Variants in NKAIN2 observed in about 807,000 individuals in gnomAD.
NKAIN2 encodes sodium/potassium transporting ATPase interacting 2.
In NKAIN2, 14 loss-of-function variants were observed where a neutral mutation model predicts 32.6. The ratio of observed to expected loss-of-function variants is 0.43; its 90% confidence interval spans 0.28 to 0.67. The LOEUF (loss-of-function observed/expected upper bound fraction) is 0.67, where lower values mean the gene tolerates loss of function less well. Among genes scored for constraint, NKAIN2 ranks in the 30% least tolerant of loss-of-function variants. The probability of loss-of-function intolerance (pLI) is 0.17; values close to 1 mark genes in which losing one functional copy is unlikely to be tolerated. For missense variants in NKAIN2, 198 were observed against 258.3 expected (o/e 0.77, Z 1.60); for synonymous variants, 80 against 87.2 (o/e 0.92, Z 0.46).
chr6:124,098,891 A>G (rs1784757265), intron 1 of NKAIN2, among the ~76,000 whole-genome samples: 1 of 151,918 alleles, frequency 6.6e-6, no homozygotes, highest in African/African-American at 2.4e-5. Flanking sequence ...TAATAATAAT[A>G]ATAATTAAAT....
At chr6:124,370,182 C>T (rs889143687) in intron 3 of NKAIN2, among the ~76,000 whole-genome samples, 2 of 150,732 alleles carry the variant, frequency 1.3e-5, no homozygotes, top group Non-Finnish European at 2.9e-5. Flanking sequence ...CAGTAAATAC[C>T]GTGCTACTAG....
At chr6:124,491,744 G>A (rs952549467) in intron 3 of NKAIN2, among the ~76,000 whole-genome samples, 14 of 151,828 alleles carry the variant, frequency 9.2e-5, no homozygotes, top group African/African-American at 2.7e-4. Context: ...ACGATGTGGC[G>A]GAAAATGTTC....
chr6:124,687,846 G>C (rs1222951447), intron 4 of NKAIN2, among the ~76,000 whole-genome samples: 2 of 146,388 alleles, frequency 1.4e-5, no homozygotes, highest in African/African-American at 5.0e-5. Context: ...TACTTATAAA[G>C]TATGCAATAC....
chr6:124,658,216 T>G lies in NKAIN2; in HGVS notation c.304T>G (p.Ser102Ala), dbSNP rs773438723. The change falls in exon 4 of 7, where the codon TCA (serine) becomes GCA (alanine). Residue 102 changes from serine (S) to alanine (A), a missense_variant. Transcript: ENST00000368417. ...AGACCTTATCCTGACTTTTAATATA[T>G]CAATGCACCGATCTTGGTGGATGGA... ...ETDLILTFNI[S>A]MHRSWWMENG... The G allele has an allele frequency of 6.2e-7, 1 of 1,612,986 alleles. No individual in the cohort carries two copies. Among genetic ancestry groups the G allele is most frequent in the Admixed American group, 1.7e-5 (1 of 59,928 alleles).
chr6:124,162,483 G>A (rs1788331105), intron 1 of NKAIN2, among the ~76,000 whole-genome samples: 1 of 152,220 alleles, frequency 6.6e-6, no homozygotes, highest in African/African-American at 2.4e-5. Flanking sequence ...TAGAGGGGAT[G>A]AACTATGCAT....
intron 4 of NKAIN2, among the ~76,000 whole-genome samples, chr6:124,687,318 T>G (rs1030827589): frequency 2.8e-5 from 4 of 142,028 alleles, no homozygotes; most frequent in African/African-American, 5.1e-5. Flanking sequence ...AATATATATG[T>G]AATATATATA....
intron 4 of NKAIN2, among the ~76,000 whole-genome samples, chr6:124,780,770 A>G (rs1779227180): frequency 6.6e-6 from 1 of 152,236 alleles, no homozygotes; most frequent in African/African-American, 2.4e-5. Flanking sequence ...AACTGAAGAC[A>G]ATTAGTGACT....
At chr6:124,172,476 A>G (rs1189526735) in intron 1 of NKAIN2, among the ~76,000 whole-genome samples, 1 of 152,210 alleles carries the variant, frequency 6.6e-6, no homozygotes, top group Non-Finnish European at 1.5e-5. Flanking sequence ...CATATCAAAT[A>G]TTCCTTTAAA....
intron 3 of NKAIN2, among the ~76,000 whole-genome samples, chr6:124,621,042 G>GC (rs1783087551): frequency 6.6e-6 from 1 of 152,082 alleles, no homozygotes; most frequent in African/African-American, 2.4e-5. Context: ...CTCAGCTTTG[G>GC]CTGCACATTG....
In NKAIN2 at chr6:124,649,465, CAATTATTAACTTTTT is replaced by C. The variant is rs1318878063; in HGVS notation, c.274-8718_274-8704del. On this transcript the variant is annotated intron_variant, in intron 3 of 6. Coordinates refer to ENST00000368417, the MANE Select transcript of NKAIN2 (RefSeq NM_001040214.3). ...TTTATCTATTAAAAAATTGAATCAG[CAATTATTAACTTTTT>C]AAAGCAGAAAGCACCAGACCTAGAT... 5.9e-5 allele frequency among the ~76,000 whole-genome samples: 9 copies of C among 152,076 alleles called. No individual in the cohort carries two copies. In the East Asian group the frequency reaches 1.7e-3, roughly 29 times the overall value.
chr6:124,323,673 A>G (rs1797287215), intron 2 of NKAIN2, among the ~76,000 whole-genome samples: 1 of 151,842 alleles, frequency 6.6e-6, no homozygotes, highest in African/African-American at 2.4e-5. Flanking sequence ...CCGAAACCAC[A>G]CTATCTTGAT....
chr6:123,923,814 A>C, intron 1 of NKAIN2, among the ~76,000 whole-genome samples: 1 of 117,834 alleles, frequency 8.5e-6, no homozygotes. Flanking sequence ...GGGGGGAGGG[A>C]TAGCATTGGG....
At chr6:124,605,878 C>A (rs1174983059) in intron 3 of NKAIN2, among the ~76,000 whole-genome samples, 1 of 151,936 alleles carries the variant, frequency 6.6e-6, no homozygotes, top group African/African-American at 2.4e-5. Flanking sequence ...TATTAGGGAG[C>A]AGGGGGACAG....
chr6:123,903,136 A>G (rs1288109436), intron 1 of NKAIN2, among the ~76,000 whole-genome samples: 1 of 152,212 alleles, frequency 6.6e-6, no homozygotes. Flanking sequence ...GAAAGTCGTT[A>G]TCCTCTGATG....
At chr6:124,367,349 A>G (rs369217645) in intron 3 of NKAIN2, among the ~76,000 whole-genome samples, 2 of 152,140 alleles carry the variant, frequency 1.3e-5, no homozygotes, top group South Asian at 2.1e-4. Context: ...TCAAATGGTA[A>G]TAGAGTGGAC....
intron 2 of NKAIN2, among the ~76,000 whole-genome samples, chr6:124,286,219 T>C (rs1277350639): frequency 6.6e-6 from 1 of 152,158 alleles, no homozygotes; most frequent in Non-Finnish European, 1.5e-5. Context: ...ATTTAAAAAT[T>C]AACATGACTA....
At chr6:124,308,696 C>A (rs1167763837) in intron 2 of NKAIN2, among the ~76,000 whole-genome samples, 2 of 152,112 alleles carry the variant, frequency 1.3e-5, no homozygotes, top group South Asian at 2.1e-4. Flanking sequence ...TATATTCACC[C>A]ATTTTATGGT....
At chr6:124,157,028 G>A (rs943257559) in intron 1 of NKAIN2, among the ~76,000 whole-genome samples, 2 of 149,442 alleles carry the variant, frequency 1.3e-5, no homozygotes, top group East Asian at 2.0e-4. Context: ...GCTTGAACCC[G>A]GGAGGCAGAG....
intron 1 of NKAIN2, among the ~76,000 whole-genome samples, chr6:123,904,428 T>G (rs1005737818): frequency 1.3e-5 from 2 of 152,174 alleles, no homozygotes. Flanking sequence ...TCTATCATCT[T>G]CCTGCTTTGT....
Sources: gnomAD v4.1 joint callset for allele counts (sites outside exome capture counted in the v4.1 genomes callset) on GRCh38, gnomAD v4.1.1 for gene constraint, MANE v1.5 for transcripts, NCBI Gene and HGNC (gene_info 2026-07-23, HGNC 2026-07-21) for gene names.